The following NWD2 variants were observed in gnomAD, a reference collection of about 807,000 sequenced individuals.
NWD2 encodes NACHT and WD repeat domain-containing protein 2.
In NWD2, 37 loss-of-function variants were observed where a neutral mutation model predicts 132.7. That is an observed-to-expected ratio of 0.28 (90% CI 0.21 to 0.37). The LOEUF (loss-of-function observed/expected upper bound fraction) is 0.37, where lower values mean the gene tolerates loss of function less well. Ranked by LOEUF, NWD2 falls within the 10% of genes least tolerant of loss-of-function variation. NWD2 has a pLI of 1.00. For synonymous variants in NWD2, 705 were observed against 803.0 expected, an observed-to-expected ratio of 0.88 and a Z score of 2.06; for missense variants, 1,592 against 2,122.4, an observed-to-expected ratio of 0.75 and a Z score of 4.91.
At chr4:37,293,279 A>G (rs538994586) in intron 1 of NWD2, among the ~76,000 whole-genome samples, 1 of 152,256 alleles carries the variant, frequency 6.6e-6, no homozygotes, top group Non-Finnish European at 1.5e-5. Context: ...ATTTATAGGT[A>G]TTTGTGTCAT....
At chr4:37,287,647 G>A (rs1718262899) in intron 1 of NWD2, among the ~76,000 whole-genome samples, 1 of 152,150 alleles carries the variant, frequency 6.6e-6, no homozygotes, top group Admixed American at 6.5e-5. Flanking sequence ...AATCTCCCTG[G>A]GCATGAGCCC....
Position 37,275,614 on chromosome 4 carries a change from G to A in NWD2, c.151+30396G>A, listed in dbSNP as rs528165434. ...ATGGAATCAAAAAAGAGCCCACATC[G>A]CCAAGTCAATCCTAAGCCAAAAGAA... On this transcript the variant is annotated intron_variant, in intron 1 of 6. Coordinates refer to ENST00000309447, the MANE Select transcript of NWD2 (RefSeq NM_001144990.2). 9.7e-3 allele frequency among the ~76,000 whole-genome samples: 1,459 copies of A among 151,060 alleles called. 33 individuals are homozygous for A. The highest frequency in any genetic ancestry group is 0.033 in the African/African-American group (1,371 of 41,286).
chr4:37,401,558 G>T, intron 3 of NWD2, among the ~76,000 whole-genome samples: 1 of 152,060 alleles, frequency 6.6e-6, no homozygotes, highest in Non-Finnish European at 1.5e-5. Context: ...TCCAGCTGCA[G>T]CTGCTTTCTT....
At chr4:37,395,455 T>A (rs1329938461) in intron 3 of NWD2, among the ~76,000 whole-genome samples, 1 of 150,968 alleles carries the variant, frequency 6.6e-6, no homozygotes, top group African/African-American at 2.4e-5. Context: ...AAGTAGTAAG[T>A]CCAAGCCAGT....
intron 3 of NWD2, among the ~76,000 whole-genome samples, chr4:37,370,366 T>C (rs1007506211): frequency 6.6e-6 from 1 of 152,336 alleles, no homozygotes; most frequent in Non-Finnish European, 1.5e-5. Context: ...AGAATATTTA[T>C]ATGCCACCAG....
chr4:37,430,626 T>A lies in NWD2; in HGVS notation c.412T>A (p.Ser138Thr). Residue 138 changes from serine to threonine, a missense_variant, in exon 4 of 7, where the codon TCA becomes ACA. Physicochemically the swap from Ser to Thr is moderately conservative, Grantham distance 58. Transcript: ENST00000309447. Reference sequence around the variant, plus strand: ...CCGAATCCCTGGAGAAGTTGAAGCCTCAGAGTTTGAAATGATTTTGGATGC... The same window carrying A: ...CCGAATCCCTGGAGAAGTTGAAGCCACAGAGTTTGAAATGATTTTGGATGC... Reference protein sequence around the residue: ...NIRIPGEVEASEFEMILDAAI... With the variant: ...NIRIPGEVEATEFEMILDAAI... The A allele has an allele frequency of 1.3e-6, 2 of 1,551,612 alleles. No individual in the cohort carries two copies. The highest frequency in any genetic ancestry group is 1.7e-6 in the Non-Finnish European group (2 of 1,146,912).
intron 3 of NWD2, among the ~76,000 whole-genome samples, chr4:37,406,582 AC>A (rs1376223555): frequency 6.6e-6 from 1 of 152,234 alleles, no homozygotes; most frequent in Non-Finnish European, 1.5e-5. Flanking sequence ...AAAATGTGGC[AC>A]ATATACACTA....
chr4:37,336,959 A>AG (rs1198516799), intron 2 of NWD2, among the ~76,000 whole-genome samples: 1 of 150,056 alleles, frequency 6.7e-6, no homozygotes, highest in Non-Finnish European at 1.5e-5. Flanking sequence ...AAAGAAAAAA[A>AG]AAAAAAAAAA....
chr4:37,301,424 CT>C (rs1718609643), intron 1 of NWD2, among the ~76,000 whole-genome samples: 1 of 151,966 alleles, frequency 6.6e-6, no homozygotes, highest in Admixed American at 6.6e-5. Context: ...TACTTTATCT[CT>C]TTTGTCCATT....
intron 1 of NWD2, among the ~76,000 whole-genome samples, chr4:37,256,448 G>GGAGACAA (rs1717520571): frequency 6.6e-6 from 1 of 152,180 alleles, no homozygotes; most frequent in African/African-American, 2.4e-5. Context: ...CTACTTACAT[G>GGAGACAA]AGGTGGAACC....
intron 1 of NWD2, among the ~76,000 whole-genome samples, chr4:37,278,600 G>A (rs1455327375): frequency 6.6e-6 from 1 of 152,188 alleles, no homozygotes; most frequent in Admixed American, 6.5e-5. Context: ...TATCAGGAAA[G>A]CAGTACTTGA....
At chr4:37,325,561 A>C (rs1719152765) in intron 1 of NWD2, among the ~76,000 whole-genome samples, 2 of 152,138 alleles carry the variant, frequency 1.3e-5, no homozygotes, top group African/African-American at 4.8e-5. Flanking sequence ...TAAAACTTGT[A>C]TTTTGTGGAG....
intron 3 of NWD2, among the ~76,000 whole-genome samples, chr4:37,409,854 A>G (rs934449903): frequency 5.9e-5 from 9 of 152,242 alleles, no homozygotes; most frequent in African/African-American, 2.2e-4. Flanking sequence ...CCAATATTCA[A>G]CATTCTTAAA....
Position 37,444,858 on chromosome 4 carries a change from G to GC in NWD2, c.2873dup (p.Glu959ArgfsTer20). Reference sequence around the variant, plus strand: ...CATTCATCCATGGATGTGACATACAGCCCAGAGCGTCTTCCCTTATCATCC... The same window carrying GC: ...CATTCATCCATGGATGTGACATACAGCCCCAGAGCGTCTTCCCTTATCATCC... On this transcript the variant is annotated frameshift_variant, in exon 7 of 7. Transcript: ENST00000309447. LOFTEE classifies it high-confidence loss of function. This position sits in a 1 kb window ranked among gnomAD's most constrained non-coding sequence, Gnocchi z 4.8. 1 of 1,552,242 alleles carries GC rather than the reference G, an allele frequency of 6.4e-7. No homozygotes were observed. Among genetic ancestry groups the GC allele is most frequent in the Non-Finnish European group, 8.7e-7 (1 of 1,147,122 alleles).
At chr4:37,333,731 G>A (rs1719340287) in intron 2 of NWD2, among the ~76,000 whole-genome samples, 1 of 152,030 alleles carries the variant, frequency 6.6e-6, no homozygotes, top group African/African-American at 2.4e-5. Context: ...GTTCAGGAAG[G>A]CACCAAGGAC....
intron 1 of NWD2, among the ~76,000 whole-genome samples, chr4:37,312,948 T>A (rs1463910543): frequency 6.6e-6 from 1 of 151,214 alleles, no homozygotes; most frequent in African/African-American, 2.5e-5. Flanking sequence ...TTGTGTATAT[T>A]GAACCAGCCT....
At chr4:37,416,435 T>A (rs1307117353) in intron 3 of NWD2, among the ~76,000 whole-genome samples, 1 of 152,100 alleles carries the variant, frequency 6.6e-6, no homozygotes, top group East Asian at 1.9e-4. Flanking sequence ...ATGGCCATAA[T>A]CAAAAACTCA....
rs1718004801 is a variant in NWD2, at chr4:37,276,034, C to G, written c.151+30816C>G. On this transcript the variant is annotated intron_variant, in intron 1 of 6. Coordinates refer to ENST00000309447, the MANE Select transcript of NWD2 (RefSeq NM_001144990.2). Reference sequence around the variant, plus strand: ...TAGGCAATACCATTCAGGACATAGGCATGGGCAAGGACTTCATGTCTAAAA... The same window carrying G: ...TAGGCAATACCATTCAGGACATAGGGATGGGCAAGGACTTCATGTCTAAAA... Among the ~76,000 whole-genome samples, 4 of 152,114 alleles carry G rather than the reference C, an allele frequency of 2.6e-5. No homozygotes were observed. The South Asian group carries it at 8.3e-4, about 31-fold the overall frequency.
intron 3 of NWD2, among the ~76,000 whole-genome samples, chr4:37,412,969 CA>C (rs1269613171): frequency 6.6e-6 from 1 of 151,712 alleles, no homozygotes; most frequent in African/African-American, 2.4e-5. Flanking sequence ...ACACCTTATA[CA>C]AAAAATGGAT....
Sources: gnomAD v4.1 joint callset for allele counts (sites outside exome capture counted in the v4.1 genomes callset) on GRCh38, gnomAD v4.1.1 for gene constraint, Gnocchi (gnomAD v3.1) non-coding constraint, MANE v1.5 for transcripts, NCBI Gene and HGNC (gene_info 2026-07-23, HGNC 2026-07-21) for gene names.